AMIGO2: variants seen among roughly 807,000 people sequenced by gnomAD.
AMIGO2 encodes the protein amphoterin-induced protein 2.
Under a neutral mutation model 23.7 loss-of-function variants are expected in AMIGO2, and 15 were observed. The observed-to-expected ratio is 0.63, with a 90% confidence interval of 0.42 to 0.98. The LOEUF (loss-of-function observed/expected upper bound fraction) is 0.98, where lower values mean the gene tolerates loss of function less well. AMIGO2 is among the 50% of genes least tolerant of loss of function. AMIGO2 has a pLI of 0.00. For missense variants in AMIGO2, 561 were observed against 633.1 expected, an observed-to-expected ratio of 0.89 and a Z score of 1.22; for synonymous variants, 264 against 252.3, an observed-to-expected ratio of 1.05 and a Z score of -0.44.
Position 47,079,712 on chromosome 12 carries a change from A to G in AMIGO2, c.-421T>C, listed in dbSNP as rs1399886233. On this transcript the variant is annotated 5_prime_UTR_variant, in exon 1 of 3. The change abolishes an upstream ATG in the 5' untranslated region. Transcript: ENST00000550413. ...CCGGGGGCTCTCCCGGGTTCCTCTC[A>G]TTGCAGGCTGAAGGTACCGCCTCGG... The G allele has an allele frequency of 1.3e-5, 2 of 151,318 alleles. No homozygotes were observed. Among genetic ancestry groups the G allele is most frequent in the African/African-American group, 4.9e-5 (2 of 41,222 alleles). The allele number at this position is 151,318 out of a possible 1,614,324, so 9.4% of individuals were successfully genotyped here.
Position 47,077,440 on chromosome 12 carries a change from G to A in AMIGO2, c.1563C>T (p.Ser521=). The A allele has an allele frequency of 6.2e-7, 1 of 1,609,716 alleles. No individual in the cohort carries two copies. The highest frequency in any genetic ancestry group is 8.5e-7 in the Non-Finnish European group (1 of 1,176,568). ...ATACAAATATAGGCACAAATTAAGT[G>A]GACGCCACAAAAGGTGTGTCAGAAA... ...SVFSDTPFVA[S]T The change falls in exon 3 of 3, where the codon TCC becomes TCT. Residue 521 remains serine, a synonymous_variant. Transcript: ENST00000550413.
Position 47,077,914 on chromosome 12 carries a change from A to G in AMIGO2, c.1089T>C (p.Cys363=), listed in dbSNP as rs751188878. 1 of 1,614,098 alleles carries G rather than the reference A, an allele frequency of 6.2e-7. No individual in the cohort carries two copies. Among genetic ancestry groups the G allele is most frequent in the Admixed American group, 1.7e-5 (1 of 60,034 alleles). ...PRFEDAGVYS[C]IAMNKQRLLN... ...ACAGGCGTTGCTTATTCATTGCGAT[A>G]CAAGAATACACTCCAGCATCCTCAA... The change falls in exon 3 of 3, where the codon TGT becomes TGC. Residue 363 remains cysteine (C), a synonymous_variant. Transcript: ENST00000550413.
Position 47,078,347 on chromosome 12 carries a change from T to C in AMIGO2, c.656A>G (p.Gln219Arg). The change falls in exon 3 of 3, where the codon CAG becomes CGG. Residue 219 changes from glutamine to arginine, a missense_variant. Physicochemically the swap from Gln to Arg is conservative, Grantham distance 43. Coordinates refer to ENST00000550413, the MANE Select transcript of AMIGO2 (RefSeq NM_001370299.1). Reference protein sequence around the residue: ...MHHINLVPGKQLRGIYLHGNP... With the variant: ...MHHINLVPGKRLRGIYLHGNP... The stretch of plus-strand genomic sequence containing the variant: ...TCCATGAAGGTAGATGCCTCTCAGC[T>C]GTTTTCCTGGCACTAAATTTATGTG... The C allele has an allele frequency of 6.2e-7, 1 of 1,613,914 alleles. No individual in the cohort carries two copies. The highest frequency in any genetic ancestry group is 8.5e-7 in the Non-Finnish European group (1 of 1,180,038).
rs1565731665 is a variant in AMIGO2 at position 47,077,357 on chromosome 12, C to T, written c.*77G>A. 1 of 1,504,832 alleles carries T rather than the reference C, an allele frequency of 6.6e-7. No homozygotes were observed. The highest frequency in any genetic ancestry group is 1.4e-5 in the African/African-American group (1 of 71,712). The allele number at this position is 1,504,832 out of a possible 1,614,324, so 93.2% of individuals were successfully genotyped here. A position where few individuals can be genotyped will look rare whatever the true frequency, so the allele number is the denominator to read the frequency against. On this transcript the variant is annotated 3_prime_UTR_variant, in exon 3 of 3. Transcript: ENST00000550413. ...ACAAAACAACACAATTTCTGTCCTGCTGTTTATTTTGCAGACCACACACAA... is the reference window on the plus strand; with the variant it reads ...ACAAAACAACACAATTTCTGTCCTGTTGTTTATTTTGCAGACCACACACAA...
chr12:47,078,793 A>C lies in AMIGO2; in HGVS notation c.210T>G (p.Ile70Met), dbSNP rs1374946790. The change falls in exon 3 of 3, where the codon ATT becomes ATG. Residue 70 changes from isoleucine to methionine, a missense_variant. By Grantham distance (10) the Ile-to-Met change is conservative (BLOSUM62 1). Transcript: ENST00000550413. ...SKVPGNLFRL[I>M]KRLDLSYNRI... is the part of the protein sequence containing the mutation. ...TGTTATAACTCAGGTCCAGTCTCTT[A>C]ATCAGTCTGAAAAGGTTCCCAGGCA... 4 of 1,614,200 alleles carry C rather than the reference A, an allele frequency of 2.5e-6. No individual in the cohort carries two copies. The highest frequency in any genetic ancestry group is 2.5e-6 in the Non-Finnish European group (3 of 1,180,042).
rs774713889 is a variant in AMIGO2 at position 47,078,626 on chromosome 12, G to A, written c.377C>T (p.Ser126Phe). The A allele has an allele frequency of 2.5e-6, 4 of 1,614,196 alleles. No individual in the cohort carries two copies. The highest frequency in any genetic ancestry group is 3.4e-6 in the Non-Finnish European group (4 of 1,180,038). The change falls in exon 3 of 3, where the codon TCC becomes TTC. Residue 126 changes from serine to phenylalanine, a missense_variant. By Grantham distance (155) the Ser-to-Phe change is radical. Coordinates refer to ENST00000550413, the MANE Select transcript of AMIGO2 (RefSeq NM_001370299.1). The part of the protein sequence containing the change: ...TPNLKCLDLS[S>F]NKLKTVKNAV... Reference sequence around the variant, plus strand: ...ATTTTTCACCGTCTTCAGCTTATTGGACGATAAGTCAAGACACTTCAAATT... The same window carrying A: ...ATTTTTCACCGTCTTCAGCTTATTGAACGATAAGTCAAGACACTTCAAATT...
At position 47,078,378 on chromosome 12, in the gene AMIGO2, T is replaced by C; in HGVS notation, c.625A>G (p.Met209Val). ...CCTGGCACTAAATTTATGTGGTGCA[T>C]TGGCATGGAAGGAATTCGGTTATAA... Reference protein sequence around the residue: ...VSYNRIPSMPMHHINLVPGKQ... With the variant: ...VSYNRIPSMPVHHINLVPGKQ... Residue 209 changes from methionine to valine, a missense_variant, in exon 3 of 3, where the codon ATG becomes GTG. Met to Val is a conservative substitution (Grantham distance 21, BLOSUM62 1). Transcript: ENST00000550413. The C allele has an allele frequency of 6.2e-7, 1 of 1,614,054 alleles. No homozygotes were observed. Among genetic ancestry groups the C allele is most frequent in the Non-Finnish European group, 8.5e-7 (1 of 1,180,028 alleles).
In AMIGO2 at chr12:47,078,491, T is replaced by C. The variant is rs750603803; in HGVS notation, c.512A>G (p.Tyr171Cys). 2 of 1,614,096 alleles carry C rather than the reference T, an allele frequency of 1.2e-6. No individual in the cohort carries two copies. The highest frequency in any genetic ancestry group is 2.2e-5 in the East Asian group (1 of 44,886). The change falls in exon 3 of 3, where the codon TAC (tyrosine) becomes TGC (cysteine). Residue 171 changes from tyrosine (Y) to cysteine (C), a missense_variant. Physicochemically the swap from Tyr to Cys is radical, Grantham distance 194. Transcript: ENST00000550413. ...CTGTGTGAGAAAATTTCCACTTAAGTAGAGTTTCTGCAACTGGGAGAGCCC... is the reference window on the plus strand; with the variant it reads ...CTGTGTGAGAAAATTTCCACTTAAGCAGAGTTTCTGCAACTGGGAGAGCCC... ...FGGLSQLQKL[Y>C]LSGNFLTQFP...
Position 47,078,060 on chromosome 12 carries a change from C to T in AMIGO2, c.943G>A (p.Gly315Ser). ...RLMVHCDSKT[G>S]NANTDFIWVG... is the part of the protein sequence containing the mutation. ...CAGATGAAATCCGTATTTGCATTAC[C>T]TGTCTTGCTGTCACAGTGGACCATC... is the stretch of plus-strand genomic sequence containing the variant. Residue 315 changes from glycine to serine, a missense_variant, in exon 3 of 3, where the codon GGT (glycine) becomes AGT (serine). Gly to Ser is a moderately conservative substitution (Grantham distance 56, BLOSUM62 0). Transcript: ENST00000550413. 3 of 1,614,138 alleles carry T rather than the reference C, an allele frequency of 1.9e-6. No individual in the cohort carries two copies. The highest frequency in any genetic ancestry group is 2.5e-6 in the Non-Finnish European group (3 of 1,180,038).
At position 47,077,731 on chromosome 12, in the gene AMIGO2, G is replaced by T. The variant is rs1177959182; in HGVS notation, c.1272C>A (p.Cys424Ter). ...TTTTCTGTCTCTTGGTTTTACACTT[G>T]CAGGGGCATGGAGTCAGATAGAGGT... Reference protein sequence around the residue: ...LLYLYLTPCPCKCKTKRQKNM... With the variant: ...LLYLYLTPCP The change falls in exon 3 of 3, where the codon TGC becomes TGA. Residue 424 changes from cysteine (C) to a stop codon, truncating the protein, a stop_gained. Transcript: ENST00000550413. LOFTEE classifies it high-confidence loss of function. 1 of 1,614,220 alleles carries T rather than the reference G, an allele frequency of 6.2e-7. No individual in the cohort carries two copies. The highest frequency in any genetic ancestry group is 8.5e-7 in the Non-Finnish European group (1 of 1,180,042).
In AMIGO2 at chr12:47,077,393, G is replaced by C. The variant is rs745618518; in HGVS notation, c.*41C>G. On this transcript the variant is annotated 3_prime_UTR_variant, in exon 3 of 3. Coordinates refer to ENST00000550413, the MANE Select transcript of AMIGO2 (RefSeq NM_001370299.1). ...GCAGACCACACACAAAGTTAAATAT[G>C]AACAGATTAAATTATGACATCATAC... 2.3e-5 allele frequency: 36 copies of C among 1,575,828 alleles called. No homozygotes were observed. The highest frequency in any genetic ancestry group is 1.7e-5 in the Non-Finnish European group (20 of 1,158,744).
Position 47,078,962 on chromosome 12 carries a change from G to A in AMIGO2, c.41C>T (p.Ala14Val), listed in dbSNP as rs1941905956. The A allele has an allele frequency of 1.2e-6, 2 of 1,613,344 alleles. No individual in the cohort carries two copies. The highest frequency in any genetic ancestry group is 1.7e-6 in the Non-Finnish European group (2 of 1,179,600). Residue 14 changes from alanine (A) to valine (V), a missense_variant, in exon 3 of 3, where the codon GCC becomes GTC. Coordinates refer to ENST00000550413, the MANE Select transcript of AMIGO2 (RefSeq NM_001370299.1). ...RVHTLPTLLG[A>V]VVRPGCRELL... ...CTCCCTGCAGCCCGGTCTGACGACG[G>A]CTCCAAGCAGGGTGGGCAGAGTGTG...
At position 47,077,396 on chromosome 12, in the gene AMIGO2, C is replaced by T; in HGVS notation, c.*38G>A. ...GACCACACACAAAGTTAAATATGAA[C>T]AGATTAAATTATGACATCATACAAA... is the stretch of plus-strand genomic sequence containing the variant. On this transcript the variant is annotated 3_prime_UTR_variant, in exon 3 of 3. Coordinates refer to ENST00000550413, the MANE Select transcript of AMIGO2 (RefSeq NM_001370299.1). 1 of 1,577,874 alleles carries T rather than the reference C, an allele frequency of 6.3e-7. No homozygotes were observed. Among genetic ancestry groups the T allele is most frequent in the Non-Finnish European group, 8.6e-7 (1 of 1,159,616 alleles).
In AMIGO2 at chr12:47,078,434, T is replaced by C. The variant is rs763476160; in HGVS notation, c.569A>G (p.Lys190Arg). The change falls in exon 3 of 3, where the codon AAG becomes AGG. Residue 190 changes from lysine to arginine, a missense_variant. Transcript: ENST00000550413. ...ATCTAAAAACATCAGTTCTGCCAGCTTGAACCTTCCAACATACAAATCCAT... is the reference window on the plus strand; with the variant it reads ...ATCTAAAAACATCAGTTCTGCCAGCCTGAACCTTCCAACATACAAATCCAT... Reference protein sequence around the residue: ...FPMDLYVGRFKLAELMFLDVS... With the variant: ...FPMDLYVGRFRLAELMFLDVS... The C allele has an allele frequency of 6.2e-7, 1 of 1,614,188 alleles. No individual in the cohort carries two copies. The highest frequency in any genetic ancestry group is 2.2e-5 in the East Asian group (1 of 44,886).
chr12:47,077,382 A>G lies in AMIGO2; in HGVS notation c.*52T>C. On this transcript the variant is annotated 3_prime_UTR_variant, in exon 3 of 3. Transcript: ENST00000550413. ...CTGTTTATTTTGCAGACCACACACA[A>G]AGTTAAATATGAACAGATTAAATTA... is the stretch of plus-strand genomic sequence containing the variant. The G allele has an allele frequency of 6.4e-7, 1 of 1,552,160 alleles. No individual in the cohort carries two copies. The highest frequency in any genetic ancestry group is 1.2e-5 in the South Asian group (1 of 80,682).
rs1941913202 is a variant in AMIGO2, at chr12:47,079,231, C to A, written c.-153G>T. On this transcript the variant is annotated 5_prime_UTR_variant, in exon 2 of 3. In the 5' UTR this introduces an upstream ATG that the reference lacks. Coordinates refer to ENST00000550413, the MANE Select transcript of AMIGO2 (RefSeq NM_001370299.1). ...TCTTCACTGTTAAATGTATTTTTTC[C>A]TCTTTCCTGGGTTAGTCCTGCTTAT... 2 of 528,166 alleles carry A rather than the reference C, an allele frequency of 3.8e-6. No homozygotes were observed. The highest frequency in any genetic ancestry group is 6.6e-5 in the East Asian group (2 of 30,518). The allele number at this position is 528,166 out of a possible 1,614,324, so 32.7% of individuals were successfully genotyped here.
Position 47,078,004 on chromosome 12 carries a change from C to T in AMIGO2, c.999G>A (p.Pro333=), listed in dbSNP as rs773128006. 10 of 1,613,756 alleles carry T rather than the reference C, an allele frequency of 6.2e-6. No individual in the cohort carries two copies. Among genetic ancestry groups the T allele is most frequent in the South Asian group, 1.1e-5 (1 of 91,082 alleles). The change falls in exon 3 of 3, where the codon CCG becomes CCA. Residue 333 remains proline, a synonymous_variant. Transcript: ENST00000550413. ...WVGPDNRLLE[P]DKEMENFYVF... ...CGTAAAAGTTTTCCATCTCTTTATC[C>T]GGCTCTAGCAGTCTGTTATCTGGAC...
chr12:47,077,334 A>G lies in AMIGO2; in HGVS notation c.*100T>C, dbSNP rs1328292306. 1.3e-4 allele frequency: 186 copies of G among 1,449,642 alleles called. 1 individual carries two copies. Among genetic ancestry groups the G allele is most frequent in the South Asian group, 1.4e-5 (1 of 69,702 alleles). The allele number at this position is 1,449,642 out of a possible 1,614,324, so 89.8% of individuals were successfully genotyped here. ...AGAATTTGGTTGTATTTCAAAGAAC[A>G]AAACAACACAATTTCTGTCCTGCTG... On this transcript the variant is annotated 3_prime_UTR_variant, in exon 3 of 3. Coordinates refer to ENST00000550413, the MANE Select transcript of AMIGO2 (RefSeq NM_001370299.1).
rs138333221 is a variant in AMIGO2, at chr12:47,078,207, A to G, written c.796T>C (p.Ser266Pro). Reference protein sequence around the residue: ...NDYTCRLWSDSRHSRQVLLLQ... With the variant: ...NDYTCRLWSDPRHSRQVLLLQ... ...AGAAGTACCTGACGCGAGTGCCTGG[A>G]GTCAGACCACAGGCGACAGGTGTAA... Residue 266 changes from serine to proline, a missense_variant, in exon 3 of 3, where the codon TCC becomes CCC. Physicochemically the swap from Ser to Pro is moderately conservative, Grantham distance 74. Coordinates refer to ENST00000550413, the MANE Select transcript of AMIGO2 (RefSeq NM_001370299.1). 13 of 1,614,086 alleles carry G rather than the reference A, an allele frequency of 8.1e-6. No individual in the cohort carries two copies. Among genetic ancestry groups the G allele is most frequent in the Non-Finnish European group, 1.0e-5 (12 of 1,180,058 alleles).
Sources: allele counts gnomAD v4.1 joint callset, GRCh38; gene constraint gnomAD v4.1.1; transcripts MANE v1.5; gene names NCBI Gene and HGNC (gene_info 2026-07-23, HGNC 2026-07-21).